TTC39C: variants seen among roughly 807,000 people sequenced by gnomAD.
TTC39C encodes the protein tetratricopeptide repeat protein 39C.
A neutral mutation model predicts 76.3 loss-of-function variants in TTC39C; 33 were observed. The ratio of observed to expected loss-of-function variants is 0.43; its 90% CI spans 0.33 to 0.58. The LOEUF is 0.58. Ranked by LOEUF, TTC39C falls within the 20% of genes least tolerant of loss-of-function variation. The pLI is 0.04. For missense variants in TTC39C, 595 were observed against 701.4 expected (o/e 0.85, Z 1.71); for synonymous variants, 254 against 260.6 (o/e 0.97, Z 0.24).
chr18:24,113,981 T>C (rs2084854786), intron 6 of TTC39C: 4 of 388,772 alleles, frequency 1.0e-5, no homozygotes, highest in Middle Eastern at 8.1e-4. Flanking sequence ...TTCTAGGGTA[T>C]AGAAGCAAAC....
chr18:24,024,151 T>C (rs1050052976), intron 1 of TTC39C, among the ~76,000 whole-genome samples: 56 of 149,596 alleles, frequency 3.7e-4, no homozygotes, highest in Non-Finnish European at 4.0e-4. Flanking sequence ...TAGCTGGGAC[T>C]ACAGGTGTGT....
chr18:24,036,088 A>G (rs1599259028), intron 1 of TTC39C, among the ~76,000 whole-genome samples: 1 of 151,614 alleles, frequency 6.6e-6, no homozygotes, highest in Admixed American at 6.6e-5. Flanking sequence ...GCATTGGTCT[A>G]TATGTCAGGG....
intron 6 of TTC39C, among the ~76,000 whole-genome samples, chr18:24,092,247 T>G (rs912153183): frequency 5.9e-5 from 9 of 151,834 alleles, no homozygotes; most frequent in African/African-American, 1.9e-4. Context: ...CCAAGCTAAC[T>G]ACAGTAGGCA....
Position 24,130,310 on chromosome 18 carries a change from C to A in TTC39C, c.1519-3C>A. On this transcript the variant is annotated splice_polypyrimidine_tract_variant and splice_region_variant and intron_variant, in intron 11 of 13. Transcript: ENST00000317571. The stretch of plus-strand genomic sequence containing the variant: ...CATCCAATAACATTTGCATTCCTTT[C>A]AGTACTTCCAGCGAGCTGTTAAAGA... 1 of 1,519,816 alleles carries A rather than the reference C, an allele frequency of 6.6e-7. No individual in the cohort carries two copies. 94.1% of individuals were successfully genotyped at this position (1,519,816 alleles called of 1,614,324 possible). A position where few individuals can be genotyped will look rare whatever the true frequency, so the allele number is the denominator to read the frequency against.
rs946099643 is a variant in TTC39C at position 24,134,987 on chromosome 18, T to A, written c.*2413T>A. 2 of 152,184 alleles carry A rather than the reference T, an allele frequency of 1.3e-5. No individual in the cohort carries two copies. Among genetic ancestry groups the A allele is most frequent in the African/African-American group, 4.8e-5 (2 of 41,412 alleles). The allele number at this position is 152,184 out of a possible 1,614,324, so 9.4% of individuals were successfully genotyped here. A position where few individuals can be genotyped will look rare whatever the true frequency, so the allele number is the denominator to read the frequency against. On this transcript the variant is annotated 3_prime_UTR_variant, in exon 14 of 14. Coordinates refer to ENST00000317571, the MANE Select transcript of TTC39C (RefSeq NM_001135993.2). ...TTACTAGTCAAAGTGTAGGTCTTTT[T>A]AAAATTTTTAATCTTTATTTTTATT...
chr18:24,125,365 G>T (rs935997452), intron 9 of TTC39C, 62 bp from the exon 10 acceptor site: 1 of 1,604,480 alleles, frequency 6.2e-7, no homozygotes, highest in African/African-American at 1.3e-5. Flanking sequence ...AGTGTCTGAG[G>T]TATATTTTTT....
At chr18:24,123,772 G>C (rs539564032) in intron 8 of TTC39C, 62 bp from the exon 9 acceptor site, 2 of 1,218,600 alleles carry the variant, frequency 1.6e-6, no homozygotes, top group South Asian at 1.4e-5. Flanking sequence ...CATCACTTCA[G>C]GTATCCCTTA....
chr18:24,067,110 A>G (rs900869469), intron 3 of TTC39C, among the ~76,000 whole-genome samples: 7 of 152,210 alleles, frequency 4.6e-5, no homozygotes, highest in Non-Finnish European at 1.0e-4. Context: ...TTCTTCTGTC[A>G]TTGTGATAGC....
intron 6 of TTC39C, among the ~76,000 whole-genome samples, chr18:24,089,845 T>G (rs1050464459): frequency 4.6e-5 from 7 of 152,078 alleles, no homozygotes; most frequent in Non-Finnish European, 8.8e-5. Context: ...AGTAAGTGGG[T>G]TGTTGCAGTG....
intron 1 of TTC39C, among the ~76,000 whole-genome samples, chr18:24,002,775 C>T (rs1170441388): frequency 2.6e-5 from 4 of 152,176 alleles, no homozygotes; most frequent in Non-Finnish European, 5.9e-5. Context: ...TCCAGCCCTG[C>T]AGATGCCTGA....
intron 1 of TTC39C, among the ~76,000 whole-genome samples, chr18:23,997,670 GAAAGAAAGAAA>G (rs2083276681): frequency 2.5e-5 from 2 of 81,112 alleles, no homozygotes; most frequent in Admixed American, 1.2e-4. Context: ...AAGAAAGAAA[GAAAGAAAGAAA>G]GAAAGAAAGA....
chr18:24,020,194 C>T, intron 1 of TTC39C: 2 of 1,143,426 alleles, frequency 1.7e-6, no homozygotes, highest in Non-Finnish European at 1.1e-6. Context: ...TTTCCATCCT[C>T]TTCAACTCAG....
chr18:24,103,987 A>C (rs1409143262), intron 6 of TTC39C, among the ~76,000 whole-genome samples: 1 of 149,072 alleles, frequency 6.7e-6, no homozygotes, highest in Non-Finnish European at 1.5e-5. Flanking sequence ...GCTGGAGTGC[A>C]GTGGTGCCAT....
chr18:24,104,453 G>T (rs1171521313), intron 6 of TTC39C, among the ~76,000 whole-genome samples: 1 of 152,110 alleles, frequency 6.6e-6, no homozygotes. Context: ...GCTTTCACCA[G>T]TTCCTCACTT....
At chr18:24,029,395 G>A (rs1008383837) in intron 1 of TTC39C, among the ~76,000 whole-genome samples, 21 of 152,290 alleles carry the variant, frequency 1.4e-4, no homozygotes, top group African/African-American at 4.8e-4. Flanking sequence ...AGCCACCAAC[G>A]TGGCCAGATG....
intron 1 of TTC39C, among the ~76,000 whole-genome samples, chr18:24,048,815 A>AT (rs1375846397): frequency 6.6e-6 from 1 of 152,198 alleles, no homozygotes. Flanking sequence ...ACTAGAAGTT[A>AT]TTTTTAGGCT....
intron 7 of TTC39C, 173 bp downstream of exon 7, chr18:24,114,820 G>A (rs1378381120): frequency 3.2e-5 from 17 of 525,512 alleles, no homozygotes; most frequent in Non-Finnish European, 5.1e-5. Context: ...TTCTCATTAC[G>A]TTTTTATAAC....
intron 4 of TTC39C, among the ~76,000 whole-genome samples, chr18:24,070,810 T>C (rs569193275): frequency 6.6e-6 from 1 of 151,868 alleles, no homozygotes; most frequent in Non-Finnish European, 1.5e-5. Context: ...TCCACCGCAC[T>C]CCAGCCTGGG....
At chr18:24,083,442 T>G (rs139730620) in intron 6 of TTC39C, among the ~76,000 whole-genome samples, 234 of 152,354 alleles carry the variant, frequency 1.5e-3, no homozygotes, top group Non-Finnish European at 3.0e-3. Flanking sequence ...TAAACTTTGA[T>G]CTTGGCTAAC....
Sources: allele counts gnomAD v4.1 joint callset (sites outside exome capture counted in the v4.1 genomes callset), GRCh38; gene constraint gnomAD v4.1.1; transcripts MANE v1.5; gene names NCBI Gene and HGNC (gene_info 2026-07-23, HGNC 2026-07-21).